FAM20B: variants seen among roughly 807,000 people sequenced by gnomAD.
The protein encoded by FAM20B is glycosaminoglycan xylosylkinase.
FAM20B carries 23 observed loss-of-function variants against 43.8 expected under a neutral mutation model. The ratio of observed to expected loss-of-function variants is 0.53; its 90% CI spans 0.38 to 0.74. The LOEUF (loss-of-function observed/expected upper bound fraction) is 0.74, where lower values mean the gene tolerates loss of function less well. FAM20B is among the 30% of genes least tolerant of loss of function. The pLI is 0.00. For synonymous variants in FAM20B, 178 were observed against 192.4 expected (o/e 0.93, Z 0.62); for missense variants, 440 against 510.5 (o/e 0.86, Z 1.33).
chr1:179,032,792 G>A (rs1387178419), intron 1 of FAM20B, among the ~76,000 whole-genome samples: 1 of 152,192 alleles, frequency 6.6e-6, no homozygotes, highest in Non-Finnish European at 1.5e-5. Flanking sequence ...GCATGCTGTT[G>A]TGGCAGGCAG....
chr1:179,061,473 TG>T (rs1476744448), intron 4 of FAM20B, among the ~76,000 whole-genome samples: 1 of 151,912 alleles, frequency 6.6e-6, no homozygotes, highest in Non-Finnish European at 1.5e-5. Flanking sequence ...GGCACGATGA[TG>T]GCCCACAGCA....
the FAM20B span, among the ~76,000 whole-genome samples, chr1:179,019,011 C>T: frequency 2.6e-5 from 4 of 152,302 alleles, no homozygotes; most frequent in Admixed American, 1.3e-4. Context: ...CTAAAGTAGT[C>T]AGAGATCACA....
chr1:179,064,562 G>A (rs1397706648), intron 6 of FAM20B, 66 bp downstream of exon 6: 14 of 1,258,602 alleles, frequency 1.1e-5, no homozygotes, highest in Non-Finnish European at 1.4e-5. Flanking sequence ...GCATTTTCCA[G>A]AGCATCCTGG....
chr1:179,024,618 G>T (rs1214159051), upstream of FAM20B, among the ~76,000 whole-genome samples: 1 of 152,176 alleles, frequency 6.6e-6, no homozygotes, highest in Non-Finnish European at 1.5e-5. Context: ...GCAGCAAAAA[G>T]CTAATACAAT....
At chr1:179,046,141 G>A (rs1270649529) in intron 2 of FAM20B, among the ~76,000 whole-genome samples, 1 of 152,180 alleles carries the variant, frequency 6.6e-6, no homozygotes, top group Non-Finnish European at 1.5e-5. Context: ...ACAGAAGTTT[G>A]AACCCATATT....
In FAM20B at chr1:179,072,963, A is replaced by G. The variant is rs1651990861; in HGVS notation, c.*819A>G. 1 of 152,206 alleles carries G rather than the reference A, an allele frequency of 6.6e-6. No individual in the cohort carries two copies. The highest frequency in any genetic ancestry group is 1.5e-5 in the Non-Finnish European group (1 of 68,036). 9.4% of individuals were successfully genotyped at this position (152,206 alleles called of 1,614,324 possible). On this transcript the variant is annotated 3_prime_UTR_variant, in exon 8 of 8. Coordinates refer to ENST00000263733, the MANE Select transcript of FAM20B (RefSeq NM_014864.4). The stretch of plus-strand genomic sequence containing the variant: ...TGTCTCTAGAGAAAATACTATTACA[A>G]TCTAAGCATGATTCTCTGTGGAGAC...
At chr1:179,057,226 TCAC>T (rs1651257526) in intron 4 of FAM20B, among the ~76,000 whole-genome samples, 1 of 152,066 alleles carries the variant, frequency 6.6e-6, no homozygotes, top group African/African-American at 2.4e-5. Flanking sequence ...ACACCTGTAA[TCAC>T]AGCTACTTGG....
At chr1:179,034,157 A>C (rs200441378) in intron 1 of FAM20B, among the ~76,000 whole-genome samples, 7 of 152,180 alleles carry the variant, frequency 4.6e-5, no homozygotes, top group Admixed American at 3.3e-4. Flanking sequence ...GGTGACCAGG[A>C]TAGCCAAGGG....
At chr1:179,066,139 C>T (rs1178501423) in intron 6 of FAM20B, among the ~76,000 whole-genome samples, 5 of 152,120 alleles carry the variant, frequency 3.3e-5, no homozygotes, top group African/African-American at 1.2e-4. Flanking sequence ...ACTGGAGGAC[C>T]TACACTGTAC....
chr1:179,052,959 T>G (rs1651066892), intron 3 of FAM20B, among the ~76,000 whole-genome samples: 1 of 152,222 alleles, frequency 6.6e-6, no homozygotes, highest in Non-Finnish European at 1.5e-5. Flanking sequence ...TAAAGTGATA[T>G]TTCATTGTTA....
chr1:179,070,812 C>T (rs889252121), intron 7 of FAM20B, among the ~76,000 whole-genome samples: 6 of 151,730 alleles, frequency 4.0e-5, no homozygotes, highest in African/African-American at 1.5e-4. Context: ...AGCCACCGCT[C>T]CTGGCCTTGA....
chr1:179,051,389 C>T (rs1199629899), intron 3 of FAM20B, among the ~76,000 whole-genome samples: 7 of 151,952 alleles, frequency 4.6e-5, no homozygotes, highest in Non-Finnish European at 7.4e-5. Context: ...CTTTAGGAGG[C>T]TGAGGTGGGC....
intron 3 of FAM20B, among the ~76,000 whole-genome samples, chr1:179,051,880 C>T (rs559627501): frequency 9.9e-5 from 15 of 151,992 alleles, no homozygotes; most frequent in Admixed American, 2.0e-4. Flanking sequence ...ACTCCTGACT[C>T]GAGGTGATCC....
chr1:179,042,874 A>G (rs1290484160), intron 1 of FAM20B, among the ~76,000 whole-genome samples: 1 of 152,176 alleles, frequency 6.6e-6, no homozygotes, highest in Non-Finnish European at 1.5e-5. Flanking sequence ...TTATGAGCTC[A>G]GAAGAGAGGA....
At chr1:179,035,613 C>T in intron 1 of FAM20B, 1 of 486,748 alleles carries the variant, frequency 2.1e-6, no homozygotes, top group Non-Finnish European at 3.8e-6. Context: ...TAACTGTGGC[C>T]CTTTTTGACA....
intron 1 of FAM20B, among the ~76,000 whole-genome samples, chr1:179,038,592 GC>G (rs1464008179): frequency 1.3e-5 from 2 of 152,142 alleles, no homozygotes; most frequent in Admixed American, 6.5e-5. Context: ...TTTCCATATT[GC>G]CTTTTATCTC....
intron 1 of FAM20B, among the ~76,000 whole-genome samples, chr1:179,032,382 C>T (rs1650053630): frequency 7.2e-6 from 1 of 138,896 alleles, no homozygotes; most frequent in Admixed American, 8.0e-5. Context: ...AATGCAGTGG[C>T]ATGATCTTGA....
At chr1:179,021,007 T>G (rs1240833707), upstream of FAM20B, among the ~76,000 whole-genome samples, 1 of 151,996 alleles carries the variant, frequency 6.6e-6, no homozygotes, top group South Asian at 2.1e-4. Context: ...GGAGGCAGAG[T>G]TTGCAGTGAG....
chr1:179,026,770 G>A (rs1649807306), intron 1 of FAM20B, among the ~76,000 whole-genome samples: 1 of 152,250 alleles, frequency 6.6e-6, no homozygotes, highest in South Asian at 2.1e-4. Context: ...GCGATTAAGA[G>A]CGGACCGATA....
Sources: allele counts gnomAD v4.1 joint callset (sites outside exome capture counted in the v4.1 genomes callset), GRCh38; gene constraint gnomAD v4.1.1; transcripts MANE v1.5; gene names NCBI Gene and HGNC (gene_info 2026-07-23, HGNC 2026-07-21).